The following POLA1 variants were observed in gnomAD, a reference collection of about 807,000 sequenced individuals.
POLA1 encodes DNA polymerase alpha catalytic subunit.
A neutral mutation model predicts 124.0 loss-of-function variants in POLA1; 15 were observed. The ratio of observed to expected loss-of-function variants is 0.12; its 90% CI spans 0.08 to 0.19. The LOEUF (loss-of-function observed/expected upper bound fraction) is 0.19. Among genes scored for constraint, POLA1 ranks in the 10% least tolerant of loss-of-function variants. The pLI, the probability that POLA1 is intolerant of heterozygous loss-of-function variation, is 1.00. For missense variants in POLA1, 886 were observed against 1,103.4 expected (o/e 0.80, Z 2.79); for synonymous variants, 408 against 389.4 (o/e 1.05, Z -0.56).
intron 36 of POLA1, among the ~76,000 whole-genome samples, chrX:24,937,690 A>C (rs752152197): frequency 8.9e-6 from 1 of 111,931 alleles, no homozygotes; most frequent in African/African-American, 3.2e-5. Flanking sequence ...GAAATGCACA[A>C]TATCAGACCC....
Position 24,873,749 on chromosome X carries a change from G to A in POLA1, c.4048-14257G>A, listed in dbSNP as rs189931194. Among the ~76,000 whole-genome samples the A allele has an allele frequency of 3.2e-3, 363 of 111,969 alleles. 1 individual carries two copies. Among genetic ancestry groups the A allele is most frequent in the Non-Finnish European group, 5.4e-3 (285 of 53,174 alleles). On this transcript the variant is annotated intron_variant, in intron 34 of 36. Coordinates refer to ENST00000379068, the MANE Select transcript of POLA1 (RefSeq NM_001330360.2). ...GCACTCTGTGAGGCTGAGGCAGGAGGATTGCCTGGGCAATATAGTGAAACC... is the reference window on the plus strand; with the variant it reads ...GCACTCTGTGAGGCTGAGGCAGGAGAATTGCCTGGGCAATATAGTGAAACC...
intron 36 of POLA1, among the ~76,000 whole-genome samples, chrX:24,938,511 T>C (rs768167606): frequency 8.9e-6 from 1 of 112,609 alleles, no homozygotes; most frequent in South Asian, 3.7e-4. Context: ...CACTACATTC[T>C]GGACCTCATT....
chrX:24,942,495 G>A (rs1241566414), intron 36 of POLA1, among the ~76,000 whole-genome samples: 2 of 111,799 alleles, frequency 1.8e-5, no homozygotes, highest in African/African-American at 6.5e-5. Flanking sequence ...GATTTTAATA[G>A]GCACAGATGC....
chrX:24,885,085 A>G (rs2047048981), intron 34 of POLA1, among the ~76,000 whole-genome samples: 1 of 112,341 alleles, frequency 8.9e-6, no homozygotes, highest in Admixed American at 9.4e-5. Context: ...AAAGAACTCT[A>G]TAGTTTTTGA....
In POLA1 at chrX:24,812,711, G is replaced by T; in HGVS notation, c.3144G>T (p.Gly1048=). The stretch of plus-strand genomic sequence containing the variant: ...AACTGCTTGAAATAGACATTGATGG[G>T]GTTTTCAAGTCTCTGCTACTGCTGA... ...LYKLLEIDID[G]VFKSLLLLKK... Residue 1048 remains glycine, a synonymous_variant, in exon 29 of 37, where the codon GGG becomes GGT. Transcript: ENST00000379068. The T allele has an allele frequency of 8.3e-7, 1 of 1,201,763 alleles. No homozygotes were observed. The highest frequency in any genetic ancestry group is 1.1e-6 in the Non-Finnish European group (1 of 887,001).
At chrX:24,958,954 T>G (rs1290305532) in intron 36 of POLA1, among the ~76,000 whole-genome samples, 2 of 111,886 alleles carry the variant, frequency 1.8e-5, no homozygotes, top group African/African-American at 6.5e-5. Flanking sequence ...CTCGCATACC[T>G]ATTGATCTCC....
At position 24,969,855 on chromosome X, in the gene POLA1, G is replaced by A. The variant is rs192171965; in HGVS notation, c.4262-25950G>A. 5.2e-3 allele frequency among the ~76,000 whole-genome samples: 571 copies of A among 110,187 alleles called. 2 individuals carry two copies. The highest frequency in any genetic ancestry group is 7.0e-3 in the Non-Finnish European group (369 of 52,828). On this transcript the variant is annotated intron_variant, in intron 36 of 36. Transcript: ENST00000379068. ...AGCCCCTCCCCCCACAATGTGTGTTGTTCTTCCCAATGTGGCCATGTGTTC... is the reference window on the plus strand; with the variant it reads ...AGCCCCTCCCCCCACAATGTGTGTTATTCTTCCCAATGTGGCCATGTGTTC...
chrX:24,815,392 C>G (rs1435781045), intron 30 of POLA1, among the ~76,000 whole-genome samples: 2 of 110,051 alleles, frequency 1.8e-5, no homozygotes, highest in Non-Finnish European at 3.8e-5. Context: ...TTCCAGAGGT[C>G]CTATGGAGTG....
chrX:24,822,410 A>G (rs2046104910), intron 31 of POLA1, among the ~76,000 whole-genome samples: 2 of 112,802 alleles, frequency 1.8e-5, no homozygotes, highest in African/African-American at 6.4e-5. Context: ...TTGTTATTGC[A>G]TTGTGTTGTT....
intron 36 of POLA1, among the ~76,000 whole-genome samples, chrX:24,967,330 T>C (rs2048234376): frequency 9.1e-6 from 1 of 110,197 alleles, no homozygotes; most frequent in South Asian, 3.9e-4. Flanking sequence ...CGTACATAGA[T>C]GTCTGGGTAG....
chrX:24,815,965 AT>A (rs1450133743), intron 30 of POLA1, among the ~76,000 whole-genome samples: 1 of 111,948 alleles, frequency 8.9e-6, no homozygotes, highest in Non-Finnish European at 1.9e-5. Context: ...ATTTTCCCAC[AT>A]TTTTATATTA....
chrX:24,914,558 A>C (rs892462503), intron 35 of POLA1, among the ~76,000 whole-genome samples: 1 of 110,100 alleles, frequency 9.1e-6, no homozygotes, highest in African/African-American at 3.3e-5. Context: ...TCATTCCTAA[A>C]AATTGATAGA....
At chrX:24,710,885 C>T (rs750512633) in intron 4 of POLA1, among the ~76,000 whole-genome samples, 6 of 110,854 alleles carry the variant, frequency 5.4e-5, no homozygotes, top group Admixed American at 9.6e-5. Context: ...AGGCTGGTTT[C>T]GAACTCCTGA....
chrX:24,785,152 T>G (rs2045338523), intron 26 of POLA1, among the ~76,000 whole-genome samples: 1 of 112,552 alleles, frequency 8.9e-6, no homozygotes, highest in Admixed American at 9.4e-5. Flanking sequence ...TTGCTTTTTC[T>G]CTTTCTGCTT....
rs145578088 is a variant in POLA1 at position 24,868,157 on chromosome X, G to A, written c.4048-19849G>A. Among the ~76,000 whole-genome samples, 903 of 112,002 alleles carry A rather than the reference G, an allele frequency of 8.1e-3. 6 individuals carry two copies. The highest frequency in any genetic ancestry group is 0.013 in the Non-Finnish European group (667 of 53,132). ...GTTCTCTGTGGCATTTCCAGTTCAT[G>A]CTTACTTTTAGTTTGCTAAATTCAT... On this transcript the variant is annotated intron_variant, in intron 34 of 36. Transcript: ENST00000379068.
In POLA1 at chrX:24,696,081, C is replaced by A. The variant is rs146129854; in HGVS notation, c.43+2077C>A. Among the ~76,000 whole-genome samples the A allele has an allele frequency of 3.5e-3, 390 of 112,779 alleles. 3 individuals are homozygous for A. The highest frequency in any genetic ancestry group is 0.011 in the African/African-American group (357 of 31,093). On this transcript the variant is annotated intron_variant, in intron 1 of 36. Transcript: ENST00000379068. ...CGCGGAAGCGTTACATGAGCCGCTCCTATATTGCTAAGTGCAAAGTAAGAT... is the reference window on the plus strand; with the variant it reads ...CGCGGAAGCGTTACATGAGCCGCTCATATATTGCTAAGTGCAAAGTAAGAT...
At chrX:24,773,469 G>A (rs993886965) in intron 26 of POLA1, among the ~76,000 whole-genome samples, 15 of 112,170 alleles carry the variant, frequency 1.3e-4, no homozygotes, top group African/African-American at 4.9e-4. Flanking sequence ...GGGAGCTGGA[G>A]TGCTGAGAGC....
intron 36 of POLA1, among the ~76,000 whole-genome samples, chrX:24,991,202 C>A (rs753695577): frequency 1.2e-4 from 13 of 109,375 alleles, no homozygotes; most frequent in African/African-American, 3.0e-4. Flanking sequence ...AACCTCCCCC[C>A]CCACACCCAC....
intron 34 of POLA1, among the ~76,000 whole-genome samples, chrX:24,848,797 T>A (rs1291486702): frequency 1.8e-5 from 2 of 112,320 alleles, no homozygotes; most frequent in Admixed American, 1.9e-4. Flanking sequence ...TGAAGCAGCC[T>A]CCCACTCTAT....
Sources: allele counts gnomAD v4.1 joint callset (sites outside exome capture counted in the v4.1 genomes callset), GRCh38; gene constraint gnomAD v4.1.1; transcripts MANE v1.5; gene names NCBI Gene and HGNC (gene_info 2026-07-23, HGNC 2026-07-21).